SERPINB12: variants seen among roughly 807,000 people sequenced by gnomAD.
The protein encoded by SERPINB12 is serpin family B member 12, also known as serpin B12.
A neutral mutation model predicts 41.1 loss-of-function variants in SERPINB12; 57 were observed. The ratio of observed to expected loss-of-function variants is 1.39; its 90% CI spans 1.12 to 1.73. The LOEUF (loss-of-function observed/expected upper bound fraction) is 1.73. SERPINB12 is among the 40% of genes most tolerant of loss of function. The pLI, the probability that SERPINB12 is intolerant of heterozygous loss-of-function variation, is 0.00. For synonymous variants in SERPINB12, 180 were observed against 181.3 expected (o/e 0.99, Z 0.06); for missense variants, 536 against 501.9 (o/e 1.07, Z -0.65).
chr18:63,520,910 A>G, the SERPINB12 span, among the ~76,000 whole-genome samples: 2 of 152,374 alleles, frequency 1.3e-5, no homozygotes, highest in African/African-American at 4.8e-5. Context: ...TGCAATAGGA[A>G]TATGTGCATC....
chr18:63,548,877 T>A (rs991384942), intron 1 of SERPINB12, among the ~76,000 whole-genome samples: 5 of 152,094 alleles, frequency 3.3e-5, no homozygotes, highest in African/African-American at 1.2e-4. Context: ...AAGTTAAAAA[T>A]CTTTATAATA....
rs1480461557 is a variant in SERPINB12 at position 63,565,428 on chromosome 18, T to G, written c.706-17T>G. 8 of 1,608,458 alleles carry G rather than the reference T, an allele frequency of 5.0e-6. No individual in the cohort carries two copies. The highest frequency in any genetic ancestry group is 6.8e-6 in the Non-Finnish European group (8 of 1,177,238). ...TTCCCATAGCCGTCCTGTGACCTCC[T>G]ACCTTGACTACTACAGAATGAAAAC... On this transcript the variant is annotated splice_polypyrimidine_tract_variant and intron_variant, in intron 6 of 7. Coordinates refer to ENST00000382768, the MANE Select transcript of SERPINB12 (RefSeq NM_001307928.2).
chr18:63,521,430 C>T, the SERPINB12 span, among the ~76,000 whole-genome samples: 13 of 152,128 alleles, frequency 8.5e-5, no homozygotes, highest in East Asian at 1.9e-4. Flanking sequence ...ACTAGGAGTC[C>T]GGGTCAAAAT....
Position 63,558,450 on chromosome 18 carries a change from G to A in SERPINB12, c.267G>A (p.Glu89=), listed in dbSNP as rs763297113. ...KQKVLADSSL[E]GQKKTTEPLD... Reference sequence around the variant, plus strand: ...AAGTGCTGGCTGACAGCTCTCTGGAGGGGCAGAAAAAAACGACAGAGCCTC... The same window carrying A: ...AAGTGCTGGCTGACAGCTCTCTGGAAGGGCAGAAAAAAACGACAGAGCCTC... Residue 89 remains glutamate, a synonymous_variant, in exon 3 of 8, where the codon GAG becomes GAA. Coordinates refer to ENST00000382768, the MANE Select transcript of SERPINB12 (RefSeq NM_001307928.2). 3.1e-5 allele frequency: 50 copies of A among 1,613,542 alleles called. No individual in the cohort carries two copies. Among genetic ancestry groups the A allele is most frequent in the Non-Finnish European group, 4.2e-5 (49 of 1,179,794 alleles).
intron 1 of SERPINB12, among the ~76,000 whole-genome samples, chr18:63,553,445 C>T (rs1599417739): frequency 6.6e-6 from 1 of 152,162 alleles, no homozygotes; most frequent in Non-Finnish European, 1.5e-5. Context: ...AGACTCTGAT[C>T]ATTCAGTTCT....
At chr18:63,566,373 C>T (rs949122135) in intron 7 of SERPINB12, among the ~76,000 whole-genome samples, 3 of 152,198 alleles carry the variant, frequency 2.0e-5, no homozygotes, top group Non-Finnish European at 4.4e-5. Context: ...GTGCTTTGAA[C>T]ACTTGTCTCT....
At chr18:63,526,274 C>T in the SERPINB12 span, among the ~76,000 whole-genome samples, 2 of 152,062 alleles carry the variant, frequency 1.3e-5, no homozygotes, top group Admixed American at 1.3e-4. Context: ...AAGCAGATTC[C>T]CTAGCTTCCT....
intron 6 of SERPINB12, among the ~76,000 whole-genome samples, 177 bp downstream of exon 6, chr18:63,564,297 C>T (rs1034126724): frequency 2.6e-5 from 4 of 152,210 alleles, no homozygotes; most frequent in Non-Finnish European, 5.9e-5. Context: ...GCTTCCTGCA[C>T]TGAGTATTCT....
At chr18:63,547,222 TA>T (rs1180300041) in intron 1 of SERPINB12, among the ~76,000 whole-genome samples, 8 of 152,232 alleles carry the variant, frequency 5.3e-5, no homozygotes, top group Admixed American at 2.6e-4. Context: ...TTGATTTTTT[TA>T]AAATGTAGAT....
the SERPINB12 span, among the ~76,000 whole-genome samples, chr18:63,522,492 A>C: frequency 1.1e-4 from 16 of 152,184 alleles, no homozygotes; most frequent in African/African-American, 3.9e-4. Context: ...AATTTCTTTA[A>C]ATCTGGGAAG....
At chr18:63,520,053 C>A in the SERPINB12 span, among the ~76,000 whole-genome samples, 5 of 152,198 alleles carry the variant, frequency 3.3e-5, no homozygotes, top group Non-Finnish European at 1.5e-5. Flanking sequence ...TGTCCCTTTG[C>A]CCCTGGGAAT....
At chr18:63,563,526 C>T (rs891199443) in intron 5 of SERPINB12, among the ~76,000 whole-genome samples, 9 of 152,142 alleles carry the variant, frequency 5.9e-5, no homozygotes, top group African/African-American at 2.2e-4. Context: ...TACCTCCAGC[C>T]AGGACTGTGA....
At chr18:63,528,469 G>A in the SERPINB12 span, among the ~76,000 whole-genome samples, 51 of 152,084 alleles carry the variant, frequency 3.4e-4, no homozygotes, top group African/African-American at 1.2e-3. Flanking sequence ...TTGGACTAAT[G>A]TTTTAGATGG....
At chr18:63,546,940 G>A (rs1910400819) in intron 1 of SERPINB12, among the ~76,000 whole-genome samples, 1 of 152,106 alleles carries the variant, frequency 6.6e-6, no homozygotes, top group Non-Finnish European at 1.5e-5. Flanking sequence ...GCAACTCTGA[G>A]GGCAAGAAGG....
intron 1 of SERPINB12, among the ~76,000 whole-genome samples, chr18:63,545,305 T>C (rs1056989259): frequency 2.0e-5 from 3 of 152,208 alleles, no homozygotes; most frequent in Admixed American, 6.5e-5. Context: ...CTCTGGCACT[T>C]GAAGTCACGG....
In SERPINB12 at chr18:63,567,135, G is replaced by A. The variant is rs754255224; in HGVS notation, c.*124G>A. The A allele has an allele frequency of 3.0e-5, 28 of 925,930 alleles. No individual in the cohort carries two copies. The highest frequency in any genetic ancestry group is 8.6e-5 in the Admixed American group (3 of 34,974). 57.4% of individuals were successfully genotyped at this position (925,930 alleles called of 1,614,324 possible). ...GCATCTCCTTCATCCTCCAGCCATCGGCTTGTGCTTATCTTGATCTTTCTG... is the reference window on the plus strand; with the variant it reads ...GCATCTCCTTCATCCTCCAGCCATCAGCTTGTGCTTATCTTGATCTTTCTG... On this transcript the variant is annotated 3_prime_UTR_variant, in exon 8 of 8. Transcript: ENST00000382768.
intron 5 of SERPINB12, among the ~76,000 whole-genome samples, chr18:63,562,574 G>C (rs1333000849): frequency 2.6e-5 from 4 of 152,112 alleles, no homozygotes; most frequent in Admixed American, 2.6e-4. Flanking sequence ...CACTGACTTA[G>C]GGATGGGATA....
At chr18:63,537,511 T>C (rs1288803738), upstream of SERPINB12, among the ~76,000 whole-genome samples, 2 of 152,220 alleles carry the variant, frequency 1.3e-5, no homozygotes, top group African/African-American at 4.8e-5. Flanking sequence ...GTTTTATGCT[T>C]GAAAGATATT....
chr18:63,536,581 T>C, the SERPINB12 span, among the ~76,000 whole-genome samples: 12 of 152,124 alleles, frequency 7.9e-5, no homozygotes, highest in Admixed American at 1.3e-4. Context: ...CTTTTTTCTA[T>C]TCTCATGAAA....
Sources: allele counts gnomAD v4.1 joint callset (sites outside exome capture counted in the v4.1 genomes callset), GRCh38; gene constraint gnomAD v4.1.1; transcripts MANE v1.5; gene names NCBI Gene and HGNC (gene_info 2026-07-23, HGNC 2026-07-21).